Variants in PRKCH observed in about 807,000 individuals in gnomAD.
PRKCH encodes the protein protein kinase C eta.
Under a neutral mutation model 82.5 loss-of-function variants are expected in PRKCH, and 28 were observed. The ratio of observed to expected loss-of-function variants is 0.34; its 90% confidence interval spans 0.25 to 0.47. PRKCH has a LOEUF of 0.47. PRKCH is among the 20% of genes least tolerant of loss of function. The probability of loss-of-function intolerance (pLI) is 1.00; values close to 1 mark genes in which losing one functional copy is unlikely to be tolerated. For missense variants in PRKCH, 705 were observed against 881.8 expected (o/e 0.80, Z 2.54); for synonymous variants, 322 against 327.4 (o/e 0.98, Z 0.18).
intron 2 of PRKCH, among the ~76,000 whole-genome samples, chr14:61,436,778 C>T (rs954726130): frequency 1.4e-4 from 22 of 152,334 alleles, no homozygotes; most frequent in Admixed American, 7.2e-4. Context: ...GTCATCTGCC[C>T]GCCTCAGCCT....
At chr14:61,375,975 C>G (rs757376977) in intron 1 of PRKCH, among the ~76,000 whole-genome samples, 4 of 150,624 alleles carry the variant, frequency 2.7e-5, no homozygotes, top group Non-Finnish European at 5.9e-5. Context: ...CAAGATCATG[C>G]CACTGCACTC....
chr14:61,280,465 T>C lies in PRKCH; in HGVS notation c.-19+92797T>C. The C allele has an allele frequency of 6.2e-7, 1 of 1,613,518 alleles. No individual in the cohort carries two copies. The highest frequency in any genetic ancestry group is 8.5e-7 in the Non-Finnish European group (1 of 1,179,738). On this transcript the variant is annotated intron_variant, in intron 1 of 3. Transcript: ENST00000555185. This position sits in a 1 kb window ranked among gnomAD's most constrained non-coding sequence, Gnocchi z 5.0. ...GAGCTCGTAGACTGGCCGGCGCCAG[T>C]TGGGCGGGGGCGCCGTGCCCTGGAA...
chr14:61,257,706 C>T (rs1395905448), intron 1 of PRKCH, among the ~76,000 whole-genome samples: 1 of 151,374 alleles, frequency 6.6e-6, no homozygotes, highest in African/African-American at 2.4e-5. Flanking sequence ...TATTTTTCAC[C>T]TTATAGTATT....
chr14:61,481,651 G>T (rs373527610), intron 9 of PRKCH, among the ~76,000 whole-genome samples: 3 of 152,224 alleles, frequency 2.0e-5, no homozygotes, highest in Middle Eastern at 3.4e-3. Context: ...TAGAAACTTT[G>T]AAAGATACTG....
chr14:61,442,578 A>G (rs1335183202), intron 2 of PRKCH: 2 of 152,538 alleles, frequency 1.3e-5, no homozygotes, highest in Non-Finnish European at 2.9e-5. Flanking sequence ...AGATTGGCCC[A>G]TGATAGCCAG....
At chr14:61,442,514 A>G (rs964751743) in intron 2 of PRKCH, 8 of 152,242 alleles carry the variant, frequency 5.3e-5, no homozygotes, top group Admixed American at 2.0e-4. Context: ...GACCATGCTG[A>G]TGTCACATAC....
At chr14:61,201,989 C>T (rs1418938181) in intron 1 of PRKCH, among the ~76,000 whole-genome samples, 1 of 152,108 alleles carries the variant, frequency 6.6e-6, no homozygotes, top group Non-Finnish European at 1.5e-5. Context: ...TTTCCATGTG[C>T]ACACATTACT....
intron 1 of PRKCH, among the ~76,000 whole-genome samples, chr14:61,332,459 C>T (rs1354929841): frequency 2.0e-5 from 3 of 152,192 alleles, no homozygotes; most frequent in Non-Finnish European, 4.4e-5. Context: ...ACCAGCAGTG[C>T]TTTTATTATG....
At chr14:61,478,161 C>A (rs907065641) in intron 9 of PRKCH, among the ~76,000 whole-genome samples, 1 of 152,222 alleles carries the variant, frequency 6.6e-6, no homozygotes, top group Admixed American at 6.5e-5. Flanking sequence ...GAGCATTTCA[C>A]TTATGGTATG....
intron 1 of PRKCH, among the ~76,000 whole-genome samples, chr14:61,209,737 T>G (rs2044555057): frequency 6.6e-6 from 1 of 152,128 alleles, no homozygotes; most frequent in African/African-American, 2.4e-5. Flanking sequence ...GGATTGGGTT[T>G]CTACCGTACC....
intron 1 of PRKCH, among the ~76,000 whole-genome samples, chr14:61,258,086 A>G (rs1324762106): frequency 1.3e-5 from 2 of 152,212 alleles, no homozygotes; most frequent in Non-Finnish European, 2.9e-5. Context: ...TTAATTTTCA[A>G]TAAAAACTCG....
chr14:61,444,310 G>A (rs1884112953), intron 3 of PRKCH, among the ~76,000 whole-genome samples: 1 of 152,084 alleles, frequency 6.6e-6, no homozygotes, highest in African/African-American at 2.4e-5. Context: ...GCGTCTTTGA[G>A]TTCACGTTTC....
At chr14:61,453,500 TTC>T in intron 7 of PRKCH, 147 bp downstream of exon 7, 3 of 776,858 alleles carry the variant, frequency 3.9e-6, no homozygotes, top group Non-Finnish European at 5.6e-6. Flanking sequence ...TTCTTTCTCT[TTC>T]TTTCTTTCTT....
chr14:61,280,192 A>T lies in PRKCH; in HGVS notation c.-19+92524A>T. On this transcript the variant is annotated intron_variant, in intron 1 of 3. Coordinates refer to the PRKCH transcript ENST00000555185. The surrounding 1 kb of genome is among the most constrained non-coding windows in gnomAD (Gnocchi z 5.0). ...GAGGGAGCCGACGACCAGGTAGGCG[A>T]TGCCCAGGAAGGGGTTCTTGCCACC... 6.2e-7 allele frequency: 1 copy of T among 1,613,880 alleles called. No homozygotes were observed. The highest frequency in any genetic ancestry group is 8.5e-7 in the Non-Finnish European group (1 of 1,179,850).
intron 9 of PRKCH, among the ~76,000 whole-genome samples, chr14:61,472,693 C>T (rs11626031): frequency 0.64 from 97,595 of 151,938 alleles, 32,537 homozygotes; most frequent in Non-Finnish European, 0.74. Context: ...ACTCCTGTCT[C>T]AATTTTTTAA....
At chr14:61,236,715 A>C (rs2044791440) in intron 1 of PRKCH, among the ~76,000 whole-genome samples, 2 of 145,348 alleles carry the variant, frequency 1.4e-5, no homozygotes, top group African/African-American at 5.2e-5. Context: ...CAAAACAAAA[A>C]AAAAAAAAAA....
chr14:61,289,872 T>A (rs1200705796), intron 1 of PRKCH, among the ~76,000 whole-genome samples: 3 of 152,206 alleles, frequency 2.0e-5, no homozygotes, highest in African/African-American at 7.2e-5. Flanking sequence ...GTGGCCTTGC[T>A]GGTGGTAGTC....
In PRKCH at chr14:61,449,194, A is replaced by G. The variant is rs1191715100; in HGVS notation, c.644A>G (p.His215Arg). The change falls in exon 5 of 14, where the codon CAT becomes CGT. Residue 215 changes from histidine to arginine, a missense_variant. Coordinates refer to ENST00000332981, the MANE Select transcript of PRKCH (RefSeq NM_006255.5). Reference protein sequence around the residue: ...VCTCVVHKRCHHLIVTACTCQ... With the variant: ...VCTCVVHKRCRHLIVTACTCQ... Reference sequence around the variant, plus strand: ...ACCTGTGTCGTCCATAAACGCTGCCATCATCTAATTGTTACAGCCTGTACT... The same window carrying G: ...ACCTGTGTCGTCCATAAACGCTGCCGTCATCTAATTGTTACAGCCTGTACT... 6.2e-6 allele frequency: 10 copies of G among 1,613,992 alleles called. No homozygotes were observed. Among genetic ancestry groups the G allele is most frequent in the African/African-American group, 1.3e-5 (1 of 74,920 alleles).
At chr14:61,212,620 C>T (rs1048765070) in intron 1 of PRKCH, among the ~76,000 whole-genome samples, 13 of 152,290 alleles carry the variant, frequency 8.5e-5, no homozygotes, top group Admixed American at 5.9e-4. Flanking sequence ...TGTGGTGATA[C>T]AGTCATCTGA....
Sources: gnomAD v4.1 joint callset for allele counts (sites outside exome capture counted in the v4.1 genomes callset) on GRCh38, gnomAD v4.1.1 for gene constraint, Gnocchi (gnomAD v3.1) non-coding constraint, MANE v1.5 for transcripts, NCBI Gene and HGNC (gene_info 2026-07-23, HGNC 2026-07-21) for gene names.